Variants in ATP1A1 observed in about 807,000 individuals in gnomAD.
ATP1A1 encodes ATPase Na+/K+ transporting subunit alpha 1.
A neutral mutation model predicts 114.8 loss-of-function variants in ATP1A1; 14 were observed. The ratio of observed to expected loss-of-function variants is 0.12; its 90% confidence interval spans 0.08 to 0.19. ATP1A1 has a LOEUF of 0.19. ATP1A1 is among the 10% of genes least tolerant of loss of function. ATP1A1 has a pLI of 1.00. For missense variants in ATP1A1, 524 were observed against 1,290.7 expected, an observed-to-expected ratio of 0.41 and a Z score of 9.10; for synonymous variants, 471 against 466.3, an observed-to-expected ratio of 1.01 and a Z score of -0.13.
Position 116,398,892 on chromosome 1 carries a change from T to C in ATP1A1, c.2294-38T>C. 1 of 1,613,224 alleles carries C rather than the reference T, an allele frequency of 6.2e-7. No homozygotes were observed. The highest frequency in any genetic ancestry group is 8.5e-7 in the Non-Finnish European group (1 of 1,179,268). ...ATATGTTCAGTTTCCAGTGTGCTTGTCTCATAAGCTAACAGTAAAAAATCT... is the reference window on the plus strand; with the variant it reads ...ATATGTTCAGTTTCCAGTGTGCTTGCCTCATAAGCTAACAGTAAAAAATCT... On this transcript the variant is annotated intron_variant, in intron 16 of 22. Coordinates refer to ENST00000295598, the MANE Select transcript of ATP1A1 (RefSeq NM_000701.8). This position sits in a 1 kb window ranked among gnomAD's most constrained non-coding sequence, Gnocchi z 6.1.
intron 1 of ATP1A1, chr1:116,383,465 A>C: frequency 1.5e-6 from 1 of 684,612 alleles, no homozygotes; most frequent in Non-Finnish European, 1.8e-6. Context: ...AAAAACATGA[A>C]ATGAGGTTGG....
chr1:116,375,786 G>T (rs540494992), intron 1 of ATP1A1, among the ~76,000 whole-genome samples: 1 of 152,316 alleles, frequency 6.6e-6, no homozygotes, highest in African/African-American at 2.4e-5. Flanking sequence ...AAGCCCTGCT[G>T]ATAATTGGCT....
chr1:116,393,111 GC>G lies in ATP1A1; in HGVS notation c.1467+126del. ...TTTATAAGCTTTAGCTTTAAATTTT[GC>G]CCTTGATTACCATAGAATGCCATAA... On this transcript the variant is annotated intron_variant, in intron 11 of 22. Transcript: ENST00000295598. The surrounding 1 kb of genome is among the most constrained non-coding windows in gnomAD (Gnocchi z 5.0). 1.4e-6 allele frequency: 2 copies of G among 1,411,646 alleles called. No homozygotes were observed. Among genetic ancestry groups the G allele is most frequent in the Non-Finnish European group, 1.9e-6 (2 of 1,051,038 alleles). 87.4% of individuals were successfully genotyped at this position (1,411,646 alleles called of 1,614,324 possible). A position where few individuals can be genotyped will look rare whatever the true frequency, so the allele number is the denominator to read the frequency against.
At chr1:116,392,236 A>T (rs2101049676) in intron 10 of ATP1A1, 1 of 152,366 alleles carries the variant, frequency 6.6e-6, no homozygotes, top group South Asian at 2.1e-4. Context: ...ATGGGCTTTA[A>T]CTAAAATGTT....
intron 10 of ATP1A1, among the ~76,000 whole-genome samples, chr1:116,391,744 A>G (rs1429919274): frequency 6.6e-6 from 1 of 152,202 alleles, no homozygotes; most frequent in African/African-American, 2.4e-5. Context: ...CTTGAGGATA[A>G]AACTTGAGAT....
In ATP1A1 at chr1:116,373,790, G is replaced by A. The variant is rs1651155659; in HGVS notation, c.12+267G>A. ...GGCGGACCCTGGGCGGGGGCTGCGC[G>A]CCCCGGAGGCCGAGCGGGCCGGGGG... On this transcript the variant is annotated intron_variant, in intron 1 of 22. Transcript: ENST00000295598. 4.3e-6 allele frequency: 5 copies of A among 1,174,846 alleles called. No homozygotes were observed. In the South Asian group the frequency reaches 1.6e-4, roughly 39 times the overall value. 72.8% of individuals were successfully genotyped at this position (1,174,846 alleles called of 1,614,324 possible).
rs1017888587 is a variant in ATP1A1 at position 116,373,374 on chromosome 1, A to G, written c.-138A>G. ...GGCCCGAGCCGCCGGCCGCCCTCCC[A>G]CCCTCCCGCCCCGCGGCAGCCCTAG... On this transcript the variant is annotated 5_prime_UTR_variant, in exon 1 of 23. Transcript: ENST00000295598. 2 of 212,622 alleles carry G rather than the reference A, an allele frequency of 9.4e-6. No homozygotes were observed. The highest frequency in any genetic ancestry group is 1.9e-5 in the Non-Finnish European group (2 of 105,952). The allele number at this position is 212,622 out of a possible 1,614,324, so 13.2% of individuals were successfully genotyped here.
At chr1:116,378,837 C>A (rs1440365916) in intron 1 of ATP1A1, among the ~76,000 whole-genome samples, 1 of 152,002 alleles carries the variant, frequency 6.6e-6, no homozygotes, top group Non-Finnish European at 1.5e-5. Context: ...TTGTCTCTAA[C>A]CAGAGCAATC....
At position 116,399,315 on chromosome 1, in the gene ATP1A1, C is replaced by T; in HGVS notation, c.2449-105C>T. On this transcript the variant is annotated intron_variant, in intron 17 of 22. Transcript: ENST00000295598. This position sits in a 1 kb window ranked among gnomAD's most constrained non-coding sequence, Gnocchi z 5.0. The stretch of plus-strand genomic sequence containing the variant: ...GAATCTTTATTTTTGTATACTTCAC[C>T]TAAAAGATTTTTAAATGGGAGGGCA... 2.0e-6 allele frequency: 3 copies of T among 1,477,912 alleles called. No homozygotes were observed. Among genetic ancestry groups the T allele is most frequent in the Non-Finnish European group, 9.2e-7 (1 of 1,092,838 alleles). The allele number at this position is 1,477,912 out of a possible 1,614,324, so 91.5% of individuals were successfully genotyped here.
chr1:116,404,682 T>C lies in ATP1A1; in HGVS notation c.*238T>C. The C allele has an allele frequency of 7.8e-7, 1 of 1,287,162 alleles. No homozygotes were observed. The highest frequency in any genetic ancestry group is 9.8e-7 in the Non-Finnish European group (1 of 1,022,376). 79.7% of individuals were successfully genotyped at this position (1,287,162 alleles called of 1,614,324 possible). On this transcript the variant is annotated 3_prime_UTR_variant, in exon 23 of 23. Transcript: ENST00000295598. The surrounding 1 kb of genome is among the most constrained non-coding windows in gnomAD (Gnocchi z 4.8). ...CAGCGGGGAAGGTTTTTATGTGCCT[T>C]TTTGTTTTTGTAAAAAAGGAACACC...
chr1:116,399,380 AT>A lies in ATP1A1; in HGVS notation c.2449-35del, dbSNP rs1156612559. On this transcript the variant is annotated intron_variant, in intron 17 of 22. Transcript: ENST00000295598. The surrounding 1 kb of genome is among the most constrained non-coding windows in gnomAD (Gnocchi z 5.0). ...AAAGGTTCACAATATTAGCTTCCTT[AT>A]TTTTAGTAACTAAATTCCTTCTCCC... 1.3e-6 allele frequency: 2 copies of A among 1,598,414 alleles called. No homozygotes were observed. Among genetic ancestry groups the A allele is most frequent in the African/African-American group, 2.7e-5 (2 of 74,030 alleles).
chr1:116,403,893 G>T lies in ATP1A1; in HGVS notation c.2961G>T (p.Trp987Cys). 1 of 1,613,886 alleles carries T rather than the reference G, an allele frequency of 6.2e-7. No individual in the cohort carries two copies. Among genetic ancestry groups the T allele is most frequent in the Non-Finnish European group, 8.5e-7 (1 of 1,179,870 alleles). ...ALRMYPLKPT[W>C]WFCAFPYSLL... The stretch of plus-strand genomic sequence containing the variant: ...CTTACTCTATTTCCAGACCTACCTG[G>T]TGGTTCTGTGCCTTCCCCTACTCTC... Residue 987 changes from tryptophan to cysteine, a missense_variant, in exon 22 of 23, where the codon TGG becomes TGT. Coordinates refer to ENST00000295598, the MANE Select transcript of ATP1A1 (RefSeq NM_000701.8).
rs1321895634 is a variant in ATP1A1 at position 116,381,686 on chromosome 1, G to A, written c.13-2328G>A. ...GCAAGACATTTATTTTGTAAGTGGG[G>A]GTAAAACTTTGGAACGTGTTCAAAG... On this transcript the variant is annotated intron_variant, in intron 1 of 22. Coordinates refer to ENST00000295598, the MANE Select transcript of ATP1A1 (RefSeq NM_000701.8). The surrounding 1 kb of genome is among the most constrained non-coding windows in gnomAD (Gnocchi z 5.1). 1.3e-5 allele frequency among the ~76,000 whole-genome samples: 2 copies of A among 152,088 alleles called. No homozygotes were observed. Among genetic ancestry groups the A allele is most frequent in the African/African-American group, 4.8e-5 (2 of 41,400 alleles).
chr1:116,374,359 C>T, intron 1 of ATP1A1: 2 of 1,472,864 alleles, frequency 1.4e-6, no homozygotes, highest in South Asian at 1.2e-5. Context: ...AAGGGACGAG[C>T]CCTGAAGGAG....
chr1:116,373,963 C>T (rs1410438643), intron 1 of ATP1A1: 4 of 1,354,486 alleles, frequency 3.0e-6, no homozygotes, highest in Non-Finnish European at 3.8e-6. Flanking sequence ...TTTCCCTCCG[C>T]CCTCCGTGCC....
Position 116,388,043 on chromosome 1 carries a change from ATC to A in ATP1A1, c.388-86_388-85del. 1.2e-6 allele frequency: 1 copy of A among 844,522 alleles called. No individual in the cohort carries two copies. Among genetic ancestry groups the A allele is most frequent in the Non-Finnish European group, 1.9e-6 (1 of 522,460 alleles). 52.3% of individuals were successfully genotyped at this position (844,522 alleles called of 1,614,324 possible). On this transcript the variant is annotated intron_variant, in intron 4 of 22. Coordinates refer to ENST00000295598, the MANE Select transcript of ATP1A1 (RefSeq NM_000701.8). The surrounding 1 kb of genome is among the most constrained non-coding windows in gnomAD (Gnocchi z 5.6). The stretch of plus-strand genomic sequence containing the variant: ...TGAAATCTTGGTTTCTCTATTAAAA[ATC>A]TGTTTTTTATTCAGTCAAAAAATTA...
intron 10 of ATP1A1, among the ~76,000 whole-genome samples, chr1:116,391,772 C>A (rs142648252): frequency 2.4e-3 from 370 of 152,222 alleles, no homozygotes; most frequent in Non-Finnish European, 4.2e-3. Flanking sequence ...TCATGTTTTT[C>A]TTTACCTCAA....
chr1:116,394,990 C>A, intron 12 of ATP1A1, 120 bp from the exon 13 acceptor site: 1 of 996,726 alleles, frequency 1.0e-6, no homozygotes, highest in Non-Finnish European at 1.5e-6. Flanking sequence ...AAAATATAGA[C>A]TTTAAAAATT....
rs148719009 is a variant in ATP1A1, at chr1:116,392,944, G to C, written c.1423G>C (p.Ala475Pro). 6.2e-7 allele frequency: 1 copy of C among 1,614,054 alleles called. No homozygotes were observed. Among genetic ancestry groups the C allele is most frequent in the Non-Finnish European group, 8.5e-7 (1 of 1,179,996 alleles). Residue 475 changes from alanine (A) to proline (P), a missense_variant, in exon 11 of 23, where the codon GCC (alanine) becomes CCC (proline). Coordinates refer to ENST00000295598, the MANE Select transcript of ATP1A1 (RefSeq NM_000701.8). ...GSVKEMRERY[A>P]KIVEIPFNST... ...CGTGAAGGAGATGAGAGAAAGATACGCCAAAATCGTCGAGATACCCTTCAA... is the reference window on the plus strand; with the variant it reads ...CGTGAAGGAGATGAGAGAAAGATACCCCAAAATCGTCGAGATACCCTTCAA...
Sources: gnomAD v4.1 joint callset for allele counts (sites outside exome capture counted in the v4.1 genomes callset) on GRCh38, gnomAD v4.1.1 for gene constraint, Gnocchi (gnomAD v3.1) non-coding constraint, MANE v1.5 for transcripts, NCBI Gene and HGNC (gene_info 2026-07-23, HGNC 2026-07-21) for gene names.